The following PTPRD variants were observed in gnomAD, a reference collection of about 807,000 sequenced individuals.
PTPRD encodes receptor-type tyrosine-protein phosphatase delta.
PTPRD carries 34 observed loss-of-function variants against 214.5 expected under a neutral mutation model. The ratio of observed to expected loss-of-function variants is 0.16; its 90% CI spans 0.12 to 0.21. The LOEUF is 0.21. Ranked by LOEUF, PTPRD falls within the 10% of genes least tolerant of loss-of-function variation. The probability of loss-of-function intolerance (pLI) is 1.00; values close to 1 mark genes in which losing one functional copy is unlikely to be tolerated. For missense variants in PTPRD, 2,545 were observed against 2,398.7 expected (o/e 1.06, Z -1.27); for synonymous variants, 1,128 against 845.7 (o/e 1.33, Z -5.79).
At chr9:8,800,283 C>A (rs2096545170) in intron 11 of PTPRD, among the ~76,000 whole-genome samples, 1 of 152,002 alleles carries the variant, frequency 6.6e-6, no homozygotes, top group African/African-American at 2.4e-5. Context: ...TCATGTCAGC[C>A]ATTCTGTCAG....
chr9:9,218,356 A>G (rs544631305), intron 9 of PTPRD, among the ~76,000 whole-genome samples: 1 of 152,274 alleles, frequency 6.6e-6, no homozygotes, highest in South Asian at 2.1e-4. Flanking sequence ...CTTCATTTTT[A>G]AAAGCCATTT....
intron 5 of PTPRD, among the ~76,000 whole-genome samples, chr9:9,822,047 G>A (rs2050934226): frequency 6.6e-6 from 1 of 151,514 alleles, no homozygotes; most frequent in African/African-American, 2.4e-5. Context: ...ATTTGCCAAA[G>A]GCATCATGTC....
Position 8,737,569 on chromosome 9 carries a change from G to A in PTPRD, c.-103-3623C>T, listed in dbSNP as rs916296531. On this transcript the variant is annotated intron_variant, in intron 11 of 45. Coordinates refer to ENST00000381196, the MANE Select transcript of PTPRD (RefSeq NM_002839.4). ...GGTTCAGTGATATTAAAAGTACCAC[G>A]TTTTACCTTACTTCCATCACACATT... 4.6e-5 allele frequency among the ~76,000 whole-genome samples: 7 copies of A among 150,682 alleles called. No homozygotes were observed. In the South Asian group the frequency reaches 1.0e-3, roughly 22 times the overall value.
At chr9:9,276,279 TTAAC>T (rs1224444503) in intron 9 of PTPRD, among the ~76,000 whole-genome samples, 4 of 151,426 alleles carry the variant, frequency 2.6e-5, no homozygotes, top group Non-Finnish European at 5.9e-5. Context: ...GTTTGATTCT[TTAAC>T]TAAGAGAGCA....
In PTPRD at chr9:10,199,897, TCG is replaced by T. The variant is rs538655918; in HGVS notation, c.-545+141064_-545+141065del. 4.1e-4 allele frequency among the ~76,000 whole-genome samples: 53 copies of T among 129,488 alleles called. No individual in the cohort carries two copies. The East Asian group carries it at 0.012, about 29-fold the overall frequency. 84.9% of individuals were successfully genotyped at this position (129,488 alleles called of 152,430 possible). A position where few individuals can be genotyped will look rare whatever the true frequency, so the allele number is the denominator to read the frequency against. ...CCACTTAACACAAGTACATGGGCAC[TCG>T]CGCGCACACACGCACACACACACAC... is the stretch of plus-strand genomic sequence containing the variant. On this transcript the variant is annotated intron_variant, in intron 3 of 45. Transcript: ENST00000381196.
At chr9:10,530,838 C>T (rs1449493112) in intron 2 of PTPRD, among the ~76,000 whole-genome samples, 2 of 152,092 alleles carry the variant, frequency 1.3e-5, no homozygotes, top group African/African-American at 4.8e-5. Context: ...AGTGAAAGTT[C>T]ATCCTCACAG....
At chr9:8,993,594 T>A (rs937062628) in intron 11 of PTPRD, among the ~76,000 whole-genome samples, 2 of 152,092 alleles carry the variant, frequency 1.3e-5, no homozygotes, top group African/African-American at 4.8e-5. Context: ...TTTCCTAAAA[T>A]TTTCAGGGAA....
At chr9:9,894,889 G>C (rs28594892) in intron 5 of PTPRD, among the ~76,000 whole-genome samples, 21,573 of 151,646 alleles carry the variant, frequency 0.14, 1,830 homozygotes, top group Middle Eastern at 0.26. Flanking sequence ...GATTTTAACT[G>C]TAAGAACAAA....
chr9:10,322,133 C>T (rs2096564147), intron 3 of PTPRD, among the ~76,000 whole-genome samples: 1 of 152,104 alleles, frequency 6.6e-6, no homozygotes, highest in South Asian at 2.1e-4. Context: ...ACCAAACCCC[C>T]ATTAAATATT....
intron 9 of PTPRD, among the ~76,000 whole-genome samples, chr9:9,288,560 T>C (rs1027577419): frequency 6.6e-6 from 1 of 151,938 alleles, no homozygotes; most frequent in Non-Finnish European, 1.5e-5. Context: ...TATTAATCAA[T>C]ATTGTGTTCA....
chr9:9,043,591 A>G (rs2099652769), intron 10 of PTPRD, among the ~76,000 whole-genome samples: 1 of 152,184 alleles, frequency 6.6e-6, no homozygotes, highest in Non-Finnish European at 1.5e-5. Context: ...GCCTTAGAAA[A>G]TGAAAGGAAA....
chr9:9,544,786 T>A (rs1392319815), intron 8 of PTPRD, among the ~76,000 whole-genome samples: 1 of 151,700 alleles, frequency 6.6e-6, no homozygotes, highest in African/African-American at 2.4e-5. Context: ...TTTTATTTTA[T>A]ACTTTTGTTT....
chr9:9,968,046 A>T (rs577701796), intron 4 of PTPRD, among the ~76,000 whole-genome samples: 2 of 152,348 alleles, frequency 1.3e-5, no homozygotes, highest in South Asian at 4.1e-4. Flanking sequence ...CACGCATATC[A>T]TAATGACTAA....
chr9:9,003,758 T>G (rs12006331), intron 11 of PTPRD, among the ~76,000 whole-genome samples: 12,940 of 152,088 alleles, frequency 0.085, 752 homozygotes, highest in African/African-American at 0.15. Flanking sequence ...AACTGGCCTG[T>G]GATAGCTGGA....
At chr9:10,538,604 G>A (rs1000517135) in intron 2 of PTPRD, among the ~76,000 whole-genome samples, 11 of 151,988 alleles carry the variant, frequency 7.2e-5, no homozygotes, top group African/African-American at 2.7e-4. Context: ...ATATAAGACA[G>A]GAACACTGAT....
intron 3 of PTPRD, among the ~76,000 whole-genome samples, chr9:10,283,125 T>TACAC (rs58492445): frequency 0.13 from 19,573 of 149,372 alleles, 1,852 homozygotes; most frequent in South Asian, 0.25. Flanking sequence ...CCTGCATATG[T>TACAC]ACACACACAC....
chr9:9,925,041 C>G (rs1038668107), intron 5 of PTPRD, among the ~76,000 whole-genome samples: 4 of 151,970 alleles, frequency 2.6e-5, no homozygotes, highest in African/African-American at 9.7e-5. Context: ...ACTTTAGCAG[C>G]TGGTATATAA....
intron 11 of PTPRD, among the ~76,000 whole-genome samples, chr9:8,969,774 T>C (rs1220007388): frequency 6.6e-6 from 1 of 151,906 alleles, no homozygotes; most frequent in African/African-American, 2.4e-5. Flanking sequence ...TCTCATACCT[T>C]TGCCCCTAGG....
chr9:10,449,195 A>T (rs1445158992), intron 2 of PTPRD, among the ~76,000 whole-genome samples: 2 of 151,912 alleles, frequency 1.3e-5, no homozygotes, highest in African/African-American at 4.9e-5. Flanking sequence ...GGGTGCCGCC[A>T]CGCCTGACTG....
Sources: allele counts gnomAD v4.1 joint callset (sites outside exome capture counted in the v4.1 genomes callset), GRCh38; gene constraint gnomAD v4.1.1; transcripts MANE v1.5; gene names NCBI Gene and HGNC (gene_info 2026-07-23, HGNC 2026-07-21).